The following SMAD2 variants were observed in gnomAD, a reference collection of about 807,000 sequenced individuals.
SMAD2 encodes MAD homolog 2.
SMAD2 carries 8 observed loss-of-function variants against 64.4 expected under a neutral mutation model. The ratio of observed to expected loss-of-function variants is 0.12; its 90% CI spans 0.07 to 0.22. SMAD2 has a LOEUF of 0.22. Ranked by LOEUF, SMAD2 falls within the 10% of genes least tolerant of loss-of-function variation. The probability of loss-of-function intolerance (pLI) is 1.00; values close to 1 mark genes in which losing one functional copy is unlikely to be tolerated. For missense variants in SMAD2, 289 were observed against 561.2 expected (o/e 0.51, Z 4.90); for synonymous variants, 203 against 195.8 (o/e 1.04, Z -0.31).
intron 6 of SMAD2, among the ~76,000 whole-genome samples, chr18:47,861,098 G>A (rs2144350892): frequency 6.6e-6 from 1 of 152,318 alleles, no homozygotes; most frequent in Admixed American, 6.5e-5. Flanking sequence ...GCTCACGGCT[G>A]TAATCCCAGC....
chr18:47,848,002 T>C (rs562670535), intron 8 of SMAD2, among the ~76,000 whole-genome samples: 8 of 152,086 alleles, frequency 5.3e-5, no homozygotes, highest in Admixed American at 1.3e-4. Context: ...CTATATTAAA[T>C]GCAGTTCTTG....
chr18:47,909,449 G>A (rs1227583919), intron 1 of SMAD2, among the ~76,000 whole-genome samples: 2 of 152,034 alleles, frequency 1.3e-5, no homozygotes, highest in African/African-American at 4.8e-5. Flanking sequence ...GAGGAGAAAG[G>A]GTATCTGCCT....
intron 1 of SMAD2, chr18:47,922,726 A>C (rs1264179622): frequency 6.6e-6 from 1 of 152,250 alleles, no homozygotes. Flanking sequence ...CAAATAAATA[A>C]TTCATTAGTA....
At chr18:47,920,613 C>CT (rs1482520312) in intron 1 of SMAD2, among the ~76,000 whole-genome samples, 2 of 152,166 alleles carry the variant, frequency 1.3e-5, no homozygotes, top group Admixed American at 6.5e-5. Context: ...AGGAGGCTTA[C>CT]TTTTTTCAGT....
rs555246084 is a variant in SMAD2 at position 47,838,534 on chromosome 18, A to G, written c.*3293T>C. 4.3e-5 allele frequency: 10 copies of G among 233,124 alleles called. No homozygotes were observed. The highest frequency in any genetic ancestry group is 2.0e-4 in the African/African-American group (9 of 45,478). 14.4% of individuals were successfully genotyped at this position (233,124 alleles called of 1,614,324 possible). On this transcript the variant is annotated 3_prime_UTR_variant, in exon 11 of 11. Transcript: ENST00000262160. ...ATGTGTATTATAAGGTATAATCGGT[A>G]TAACTGATATAGCTCAAATCTAATC...
chr18:47,843,956 T>A (rs911535513), intron 10 of SMAD2, among the ~76,000 whole-genome samples: 3 of 130,134 alleles, frequency 2.3e-5, no homozygotes, highest in Non-Finnish European at 5.5e-5. Flanking sequence ...ATTCTAACCT[T>A]CTGAAGAACA....
intron 5 of SMAD2, 32 bp from the exon 6 acceptor site, chr18:47,865,165 T>A (rs766500519): frequency 8.3e-7 from 1 of 1,201,342 alleles, no homozygotes; most frequent in South Asian, 1.2e-5. Context: ...CAAGCACAGC[T>A]GCAACATAAT....
chr18:47,897,990 G>A (rs1396510482), intron 1 of SMAD2, among the ~76,000 whole-genome samples: 9 of 152,124 alleles, frequency 5.9e-5, no homozygotes. Context: ...TACTGAAATT[G>A]TAGTTTTCAA....
intron 7 of SMAD2, among the ~76,000 whole-genome samples, chr18:47,849,872 G>A (rs1914926545): frequency 6.6e-6 from 1 of 151,614 alleles, no homozygotes. Flanking sequence ...GCTGGGTGTG[G>A]TGGCATGCAC....
Position 47,834,739 on chromosome 18 carries a change from A to AT in SMAD2, c.*7087dup, listed in dbSNP as rs1913250092. The stretch of plus-strand genomic sequence containing the variant: ...ACTCTTGAAATCTGTTTTCAGACAA[A>AT]TCTTCTAAAGGTTCTTCTAGCTTTG... On this transcript the variant is annotated 3_prime_UTR_variant, in exon 11 of 11. Coordinates refer to ENST00000262160, the MANE Select transcript of SMAD2 (RefSeq NM_005901.6). 1 of 220,792 alleles carries AT rather than the reference A, an allele frequency of 4.5e-6. No homozygotes were observed. Among genetic ancestry groups the AT allele is most frequent in the Non-Finnish European group, 9.1e-6 (1 of 110,278 alleles). The allele number at this position is 220,792 out of a possible 1,614,324, so 13.7% of individuals were successfully genotyped here.
At chr18:47,855,167 C>T (rs2030552149) in intron 6 of SMAD2, among the ~76,000 whole-genome samples, 1 of 152,160 alleles carries the variant, frequency 6.6e-6, no homozygotes, top group African/African-American at 2.4e-5. Flanking sequence ...AACCAACATT[C>T]CCCAATCATC....
chr18:47,903,367 A>G (rs539677104), intron 1 of SMAD2, among the ~76,000 whole-genome samples: 1 of 146,076 alleles, frequency 6.8e-6, no homozygotes, highest in Admixed American at 6.9e-5. Flanking sequence ...CTAGAGAAAG[A>G]GGGGGTGGGG....
intron 1 of SMAD2, among the ~76,000 whole-genome samples, chr18:47,897,351 C>T (rs1259847817): frequency 1.3e-5 from 2 of 149,562 alleles, no homozygotes; most frequent in African/African-American, 2.4e-5. Flanking sequence ...AGCTGTAGTC[C>T]GGTTTCACCT....
chr18:47,851,903 A>C (rs896435519), intron 6 of SMAD2, among the ~76,000 whole-genome samples: 1 of 152,188 alleles, frequency 6.6e-6, no homozygotes, highest in Non-Finnish European at 1.5e-5. Flanking sequence ...ACATTCTTCA[A>C]GAAACTGCCA....
At chr18:47,845,019 CAA>C (rs1171177594) in intron 10 of SMAD2, 1 of 552,046 alleles carries the variant, frequency 1.8e-6, no homozygotes. Context: ...CATGTGCCAT[CAA>C]GTTTTCCTTG....
At chr18:47,922,471 C>A (rs2034600533) in intron 1 of SMAD2, 1 of 152,140 alleles carries the variant, frequency 6.6e-6, no homozygotes, top group Non-Finnish European at 1.5e-5. Context: ...CAACTATTTA[C>A]ATTGTATTAG....
intron 7 of SMAD2, 138 bp from the exon 8 acceptor site, chr18:47,848,825 A>G: frequency 3.0e-6 from 2 of 667,904 alleles, no homozygotes; most frequent in Non-Finnish European, 5.2e-6. Flanking sequence ...TAGACATAGT[A>G]TCTGTATCGG....
chr18:47,915,593 A>G (rs1295226465), intron 1 of SMAD2, among the ~76,000 whole-genome samples: 2 of 152,232 alleles, frequency 1.3e-5, no homozygotes, highest in African/African-American at 4.8e-5. Flanking sequence ...CACAGTGAAA[A>G]GTACATTTTA....
chr18:47,842,168 C>A (rs566411606), intron 10 of SMAD2, among the ~76,000 whole-genome samples: 1 of 152,124 alleles, frequency 6.6e-6, no homozygotes, highest in African/African-American at 2.4e-5. Context: ...TTTTTCTCAT[C>A]GCACTAAAAT....
Sources: allele counts gnomAD v4.1 joint callset (sites outside exome capture counted in the v4.1 genomes callset), GRCh38; gene constraint gnomAD v4.1.1; transcripts MANE v1.5; gene names NCBI Gene and HGNC (gene_info 2026-07-23, HGNC 2026-07-21).